SARS1: variants seen among roughly 807,000 people sequenced by gnomAD.
SARS1 encodes seryl-tRNA synthetase 1.
SARS1 carries 25 observed loss-of-function variants against 63.7 expected under a neutral mutation model. The observed-to-expected ratio is 0.39, with a 90% CI of 0.29 to 0.55. The LOEUF is 0.55. SARS1 is among the 20% of genes least tolerant of loss of function. SARS1 has a pLI of 0.62. For missense variants in SARS1, 417 were observed against 649.7 expected (o/e 0.64, Z 3.89); for synonymous variants, 231 against 243.5 (o/e 0.95, Z 0.48).
At chr1:109,230,064 A>G (rs1655175212) in intron 4 of SARS1, among the ~76,000 whole-genome samples, 1 of 151,652 alleles carries the variant, frequency 6.6e-6, no homozygotes, top group Non-Finnish European at 1.5e-5. Context: ...CATTAAACTC[A>G]CTGCAGGCTG....
chr1:109,235,352 T>C lies in SARS1; in HGVS notation c.890T>C (p.Leu297Pro). 6.2e-7 allele frequency: 1 copy of C among 1,614,098 alleles called. No homozygotes were observed. Among genetic ancestry groups the C allele is most frequent in the Non-Finnish European group, 8.5e-7 (1 of 1,180,026 alleles). ...PEDLPIKYAG[L>P]STCFRQEVGS... ...GACCTGCCCATCAAGTATGCTGGCC[T>C]GTCTACCTGCTTCCGTCAGGAGGTG... Residue 297 changes from leucine to proline, a missense_variant, in exon 7 of 11, where the codon CTG (leucine) becomes CCG (proline). Physicochemically the swap from Leu to Pro is moderately conservative, Grantham distance 98 (BLOSUM62 -3). Around this residue, in one of 3 missense-constraint regions of SARS1, gnomAD observed 359 missense variants for 529.6 expected, o/e 0.68. Coordinates refer to ENST00000234677, the MANE Select transcript of SARS1 (RefSeq NM_006513.4). This position sits in a 1 kb window ranked among gnomAD's most constrained non-coding sequence, Gnocchi z 4.7.
At chr1:109,228,925 G>A (rs541307948) in intron 3 of SARS1, among the ~76,000 whole-genome samples, 3 of 152,262 alleles carry the variant, frequency 2.0e-5, no homozygotes, top group South Asian at 2.1e-4. Flanking sequence ...CTGCTAAAGC[G>A]CTTGCCTCAA....
At chr1:109,217,112 C>CT in intron 1 of SARS1, 2 of 985,420 alleles carry the variant, frequency 2.0e-6, no homozygotes, top group Non-Finnish European at 1.2e-6. Flanking sequence ...CAGTGACATA[C>CT]TTTAGAGCAG....
At position 109,219,747 on chromosome 1, in the gene SARS1, T is replaced by A. The variant is rs555500841; in HGVS notation, c.137-4231T>A. The stretch of plus-strand genomic sequence containing the variant: ...CCAGGATGGTCTTGATCTCCTGACC[T>A]TGTGATCCACCCGCCTTGGCCTCCC... On this transcript the variant is annotated intron_variant, in intron 1 of 10. Coordinates refer to ENST00000234677, the MANE Select transcript of SARS1 (RefSeq NM_006513.4). Among the ~76,000 whole-genome samples, 109 of 152,272 alleles carry A rather than the reference T, an allele frequency of 7.2e-4. 1 individual carries two copies. Among genetic ancestry groups the A allele is most frequent in the African/African-American group, 2.6e-3 (107 of 41,562 alleles).
intron 5 of SARS1, 51 bp from the exon 6 acceptor site, chr1:109,231,580 C>T: frequency 7.4e-7 from 1 of 1,351,836 alleles, no homozygotes. Flanking sequence ...TCTAGCTGAA[C>T]ATGATGGTGA....
intron 1 of SARS1, chr1:109,216,295 A>G: frequency 2.0e-6 from 2 of 985,388 alleles, no homozygotes; most frequent in Non-Finnish European, 2.4e-6. Context: ...GCCCTCCACT[A>G]CAACTATACC....
chr1:109,224,183 A>G (rs1364831900), intron 2 of SARS1, 135 bp downstream of exon 2: 4 of 679,936 alleles, frequency 5.9e-6, no homozygotes, highest in South Asian at 1.8e-5. Context: ...AAAGGGGAAA[A>G]TATTATTTTA....
Position 109,235,106 on chromosome 1 carries a change from GGAAATTT to G in SARS1, c.748-103_748-97del, listed in dbSNP as rs1655281760. 15 of 922,530 alleles carry G rather than the reference GGAAATTT, an allele frequency of 1.6e-5. No individual in the cohort carries two copies. The South Asian group carries it at 1.7e-4, about 10-fold the overall frequency. The allele number at this position is 922,530 out of a possible 1,614,324, so 57.1% of individuals were successfully genotyped here. On this transcript the variant is annotated intron_variant, in intron 6 of 10. Transcript: ENST00000234677. This position sits in a 1 kb window ranked among gnomAD's most constrained non-coding sequence, Gnocchi z 4.7. The stretch of plus-strand genomic sequence containing the variant: ...TCCCCACTCCCAGGCAGGGATTAAA[GGAAATTT>G]TTCCTGCACTATTATTGATCTCTTT...
At position 109,214,589 on chromosome 1, in the gene SARS1, G is replaced by A; in HGVS notation, c.136+461G>A. On this transcript the variant is annotated intron_variant, in intron 1 of 10. Coordinates refer to ENST00000234677, the MANE Select transcript of SARS1 (RefSeq NM_006513.4). The surrounding 1 kb of genome is among the most constrained non-coding windows in gnomAD (Gnocchi z 4.6). The stretch of plus-strand genomic sequence containing the variant: ...GAGACTGCGTCACTTCTGCAACACA[G>A]TAGATTCATTCCTTCGGTATCGGAA... The A allele has an allele frequency of 1.0e-6, 1 of 986,814 alleles. No homozygotes were observed. 61.1% of individuals were successfully genotyped at this position (986,814 alleles called of 1,614,324 possible).
intron 1 of SARS1, among the ~76,000 whole-genome samples, chr1:109,218,664 A>G (rs2101183269): frequency 6.6e-6 from 1 of 152,154 alleles, no homozygotes; most frequent in South Asian, 2.1e-4. Context: ...GCTCTAGCTT[A>G]TTGCTACTCC....
chr1:109,222,439 T>A (rs550207947), intron 1 of SARS1, among the ~76,000 whole-genome samples: 4 of 152,194 alleles, frequency 2.6e-5, no homozygotes, highest in Non-Finnish European at 5.9e-5. Flanking sequence ...ACCACTGCCA[T>A]GCTCAAGATA....
intron 1 of SARS1, among the ~76,000 whole-genome samples, chr1:109,221,999 TATATATA>T (rs1557715404): frequency 3.2e-4 from 4 of 12,594 alleles, no homozygotes; most frequent in Non-Finnish European, 4.2e-4. Flanking sequence ...TATATATATA[TATATATA>T]TATATTTTTT....
Position 109,237,321 on chromosome 1 carries a change from GA to G in SARS1, c.1336del (p.Thr446GlnfsTer11). On this transcript the variant is annotated frameshift_variant, in exon 10 of 11. Transcript: ENST00000234677. LOFTEE classifies it high-confidence loss of function. This position sits in a 1 kb window ranked among gnomAD's most constrained non-coding sequence, Gnocchi z 4.1. ...TCTGCGCCATCCTGGAGAACTACCA[GA>G]CAGAGAAGGGCATCACTGTGCCTGA... The part of the protein sequence containing the change: ...TICAILENYQ[T>X]EKGITVPEKL... 6.2e-7 allele frequency: 1 copy of G among 1,614,238 alleles called. No individual in the cohort carries two copies. The highest frequency in any genetic ancestry group is 8.5e-7 in the Non-Finnish European group (1 of 1,180,038).
rs372737495 is a variant in SARS1, at chr1:109,231,649, G to A, written c.610G>A (p.Glu204Lys). 1.4e-4 allele frequency: 224 copies of A among 1,553,462 alleles called. No homozygotes were observed. Among genetic ancestry groups the A allele is most frequent in the Non-Finnish European group, 1.8e-4 (207 of 1,153,394 alleles). ...CCTCTAGGGGGTCCTGGTGTTCCTG[G>A]AACAGGCTCTCATCCAGTATGCCCT... ...YFLKGVLVFL[E>K]QALIQYALRT... Residue 204 changes from glutamate to lysine, a missense_variant, in exon 6 of 11, where the codon GAA becomes AAA. Around this residue, in one of 3 missense-constraint regions of SARS1, gnomAD observed 359 missense variants for 529.6 expected, o/e 0.68. Transcript: ENST00000234677.
In SARS1 at chr1:109,229,519, C is replaced by T; in HGVS notation, c.394C>T (p.Leu132Phe). Residue 132 changes from leucine (L) to phenylalanine (F), a missense_variant, in exon 4 of 11, where the codon CTC becomes TTC. Leu to Phe is a conservative substitution (Grantham distance 22). This residue lies in a region of SARS1 where 359 missense variants were observed against 529.6 expected (regional missense o/e 0.68). Transcript: ENST00000234677. Reference sequence around the variant, plus strand: ...GTTGGAAGCAGAGCGGTTTGAGAACCTCCGAGAGATTGGGAACCTTCTGCA... The same window carrying T: ...GTTGGAAGCAGAGCGGTTTGAGAACTTCCGAGAGATTGGGAACCTTCTGCA... ...IKLEAERFEN[L>F]REIGNLLHPS... 2 of 1,614,214 alleles carry T rather than the reference C, an allele frequency of 1.2e-6. No homozygotes were observed. Among genetic ancestry groups the T allele is most frequent in the Non-Finnish European group, 1.7e-6 (2 of 1,180,044 alleles).
intron 1 of SARS1, chr1:109,215,034 G>A: frequency 1.0e-6 from 1 of 985,488 alleles, no homozygotes; most frequent in Non-Finnish European, 1.2e-6. Context: ...GAGCTAGGTC[G>A]ATGACAGTAC....
chr1:109,216,524 T>C lies in SARS1; in HGVS notation c.136+2396T>C, dbSNP rs949696642. Reference sequence around the variant, plus strand: ...CACTCCCAAAGCAAATAGATTTCCATGTAACTGGAAATCTGCTGCAAACCC... The same window carrying C: ...CACTCCCAAAGCAAATAGATTTCCACGTAACTGGAAATCTGCTGCAAACCC... On this transcript the variant is annotated intron_variant, in intron 1 of 10. Transcript: ENST00000234677. The C allele has an allele frequency of 1.4e-5, 14 of 984,736 alleles. No individual in the cohort carries two copies. In the African/African-American group the frequency reaches 2.4e-4, roughly 17 times the overall value. The allele number at this position is 984,736 out of a possible 1,614,324, so 61.0% of individuals were successfully genotyped here.
At chr1:109,233,723 G>C (rs1469842541) in intron 6 of SARS1, among the ~76,000 whole-genome samples, 1 of 151,522 alleles carries the variant, frequency 6.6e-6, no homozygotes, top group Admixed American at 6.6e-5. Flanking sequence ...TTGAGACAGA[G>C]TCTCACTCTG....
Position 109,231,003 on chromosome 1 carries a change from T to C in SARS1, c.573T>C (p.Ser191=), listed in dbSNP as rs1184068160. 4 of 1,519,718 alleles carry C rather than the reference T, an allele frequency of 2.6e-6. No individual in the cohort carries two copies. The highest frequency in any genetic ancestry group is 3.5e-6 in the Non-Finnish European group (4 of 1,135,516). 94.1% of individuals were successfully genotyped at this position (1,519,718 alleles called of 1,614,324 possible). The change falls in exon 5 of 11, where the codon AGT becomes AGC. Residue 191 remains serine (S), a synonymous_variant. Transcript: ENST00000234677. ...AAAAGGGGGCCGTGGTGGCTGGGAG[T>C]CGAGGGTACTTCTTGAAGGTAAGAG... ...EGEKGAVVAG[S]RGYFLKGVLV...
Sources: allele counts gnomAD v4.1 joint callset (sites outside exome capture counted in the v4.1 genomes callset), GRCh38; gene constraint gnomAD v4.1.1; regional missense constraint gnomAD v4.1.1; non-coding constraint Gnocchi (gnomAD v3.1); transcripts MANE v1.5; gene names NCBI Gene and HGNC (gene_info 2026-07-23, HGNC 2026-07-21).